The following NELL1 variants were observed in gnomAD, a reference collection of about 807,000 sequenced individuals.
NELL1 encodes the protein neural EGFL like 1.
NELL1 carries 76 observed loss-of-function variants against 107.4 expected under a neutral mutation model. The ratio of observed to expected loss-of-function variants is 0.71; its 90% CI spans 0.59 to 0.86. NELL1 has a LOEUF of 0.86. NELL1 is among the 40% of genes least tolerant of loss of function. The pLI is 0.00. For synonymous variants in NELL1, 353 were observed against 341.2 expected, an observed-to-expected ratio of 1.03 and a Z score of -0.38; for missense variants, 1,024 against 1,005.5, an observed-to-expected ratio of 1.02 and a Z score of -0.25.
chr11:20,950,918 T>G (rs932724052), intron 11 of NELL1, among the ~76,000 whole-genome samples: 2 of 152,214 alleles, frequency 1.3e-5, no homozygotes, highest in Non-Finnish European at 2.9e-5. Context: ...GCCTTTCAAT[T>G]AGCATATTTA....
At chr11:21,098,966 A>G (rs1018140954) in intron 12 of NELL1, among the ~76,000 whole-genome samples, 7 of 151,852 alleles carry the variant, frequency 4.6e-5, no homozygotes, top group African/African-American at 1.7e-4. Flanking sequence ...GAAAATTATT[A>G]TTATTATTAT....
At chr11:20,778,762 G>A (rs1364010363) in intron 2 of NELL1, among the ~76,000 whole-genome samples, 3 of 152,034 alleles carry the variant, frequency 2.0e-5, no homozygotes, top group Admixed American at 6.6e-5. Context: ...TAGCCTCCAA[G>A]TACACCCCCA....
chr11:21,050,279 C>CT (rs11405269), intron 12 of NELL1, among the ~76,000 whole-genome samples: 48,384 of 151,456 alleles, frequency 0.32, 8,680 homozygotes, highest in African/African-American at 0.49. Flanking sequence ...CCGCCCCCCA[C>CT]TTTTTTTTAA....
chr11:21,369,329 G>A (rs946841718), intron 14 of NELL1, among the ~76,000 whole-genome samples: 35 of 144,038 alleles, frequency 2.4e-4, no homozygotes, highest in African/African-American at 7.4e-4. Context: ...TATATATTTC[G>A]TTTTCTGTGA....
At chr11:20,673,590 G>C (rs1055003710) in intron 1 of NELL1, among the ~76,000 whole-genome samples, 1 of 152,232 alleles carries the variant, frequency 6.6e-6, no homozygotes, top group African/African-American at 2.4e-5. Flanking sequence ...GCCAATAGCA[G>C]CAGTAGCAGC....
intron 4 of NELL1, among the ~76,000 whole-genome samples, chr11:20,859,939 C>T (rs957397033): frequency 8.5e-5 from 13 of 152,202 alleles, no homozygotes; most frequent in Non-Finnish European, 1.5e-4. Context: ...CACACAATTA[C>T]GCTTGTTTAA....
intron 16 of NELL1, among the ~76,000 whole-genome samples, chr11:21,535,077 C>T (rs996554459): frequency 4.6e-5 from 7 of 152,098 alleles, no homozygotes; most frequent in African/African-American, 1.7e-4. Flanking sequence ...GTTGCATTAA[C>T]ATTATTGTTG....
At chr11:21,363,080 A>G (rs1028550805) in intron 14 of NELL1, among the ~76,000 whole-genome samples, 6 of 152,144 alleles carry the variant, frequency 3.9e-5, no homozygotes, top group African/African-American at 1.4e-4. Context: ...GCTCCTATCT[A>G]CAGATGCTCC....
intron 12 of NELL1, among the ~76,000 whole-genome samples, chr11:20,985,335 CCA>C (rs1229001682): frequency 1.3e-5 from 2 of 152,008 alleles, no homozygotes; most frequent in Non-Finnish European, 2.9e-5. Context: ...AAACCCTAAC[CCA>C]CAGTTAGTAC....
intron 13 of NELL1, among the ~76,000 whole-genome samples, chr11:21,130,378 T>C (rs1855588305): frequency 6.6e-6 from 1 of 152,132 alleles, no homozygotes; most frequent in Non-Finnish European, 1.5e-5. Context: ...AATTTTTTTC[T>C]ATAAATGGAA....
intron 5 of NELL1, among the ~76,000 whole-genome samples, chr11:20,917,800 C>T (rs138151629): frequency 2.0e-5 from 3 of 151,936 alleles, no homozygotes; most frequent in South Asian, 2.1e-4. Flanking sequence ...AAAATTTTAG[C>T]GTAATATGTT....
At chr11:21,495,291 G>A (rs1854948309) in intron 15 of NELL1, among the ~76,000 whole-genome samples, 1 of 152,024 alleles carries the variant, frequency 6.6e-6, no homozygotes. Flanking sequence ...CTTTCACTGA[G>A]CGTAGTGTTT....
chr11:21,183,362 A>T (rs12791400), intron 13 of NELL1, among the ~76,000 whole-genome samples: 6 of 151,760 alleles, frequency 4.0e-5, no homozygotes, highest in African/African-American at 1.5e-4. Flanking sequence ...TTAAATGTAG[A>T]TTTTCTTTTA....
chr11:21,407,704 T>C (rs1315032973), intron 15 of NELL1, among the ~76,000 whole-genome samples: 2 of 151,034 alleles, frequency 1.3e-5, no homozygotes, highest in Non-Finnish European at 3.0e-5. Flanking sequence ...CTTTTTTTTT[T>C]TTTTACCTCA....
At chr11:20,919,163 T>A in intron 6 of NELL1, 89 bp from the exon 7 acceptor site, 1 of 705,010 alleles carries the variant, frequency 1.4e-6, no homozygotes. Context: ...CAAAAACTCT[T>A]CTACATAGTC....
At chr11:21,347,116 A>C (rs1850699770) in intron 14 of NELL1, among the ~76,000 whole-genome samples, 1 of 152,192 alleles carries the variant, frequency 6.6e-6, no homozygotes, top group Non-Finnish European at 1.5e-5. Flanking sequence ...GTAAAGGCAC[A>C]GAGTGGCAGT....
intron 15 of NELL1, among the ~76,000 whole-genome samples, chr11:21,507,206 G>GT (rs1233411777): frequency 6.6e-6 from 1 of 152,130 alleles, no homozygotes; most frequent in East Asian, 1.9e-4. Flanking sequence ...GTGTTTCACA[G>GT]TTTTTTCTTC....
chr11:21,531,568 C>T (rs888779650), intron 15 of NELL1, among the ~76,000 whole-genome samples: 1 of 152,160 alleles, frequency 6.6e-6, no homozygotes, highest in Non-Finnish European at 1.5e-5. Context: ...ATTTTCAGCT[C>T]TGTGCTGGAT....
intron 14 of NELL1, among the ~76,000 whole-genome samples, chr11:21,313,416 G>A (rs948986342): frequency 2.0e-5 from 3 of 152,132 alleles, no homozygotes; most frequent in Non-Finnish European, 4.4e-5. Context: ...TCCGAAAATA[G>A]GGAGTTATCC....
Sources: allele counts gnomAD v4.1 joint callset (sites outside exome capture counted in the v4.1 genomes callset), GRCh38; gene constraint gnomAD v4.1.1; transcripts MANE v1.5; gene names NCBI Gene and HGNC (gene_info 2026-07-23, HGNC 2026-07-21).